Variants in ABCA7 observed in about 807,000 individuals in gnomAD.
The protein encoded by ABCA7 is phospholipid-transporting ATPase ABCA7.
In ABCA7, 261 loss-of-function variants were observed where a neutral mutation model predicts 227.6. That is an observed-to-expected ratio of 1.15 (90% CI 1.04 to 1.27). ABCA7 has a LOEUF of 1.27. Ranked by LOEUF, ABCA7 falls within the 50% of genes most tolerant of loss-of-function variation. The pLI is 0.00. For missense variants in ABCA7, 3,331 were observed against 2,924.5 expected, an observed-to-expected ratio of 1.14 and a Z score of -3.21; for synonymous variants, 1,488 against 1,279.7, an observed-to-expected ratio of 1.16 and a Z score of -3.47.
rs1383715508 is a variant in ABCA7 at position 1,063,339 on chromosome 19, C to T, written c.5713-205C>T. ...AGCTCCACCCACACCATGGCCCCGC[C>T]CCATACTCATGCTGGCTCCACCCAC... On this transcript the variant is annotated intron_variant, in intron 42 of 46. Transcript: ENST00000263094. Among the ~76,000 whole-genome samples, 4 of 148,276 alleles carry T rather than the reference C, an allele frequency of 2.7e-5. No homozygotes were observed. The South Asian group carries it at 6.5e-4, about 24-fold the overall frequency.
Position 1,063,843 on chromosome 19 carries a change from A to G in ABCA7, c.5931A>G (p.Ser1977=). The G allele has an allele frequency of 6.5e-7, 1 of 1,539,318 alleles. No individual in the cohort carries two copies. The highest frequency in any genetic ancestry group is 8.7e-7 in the Non-Finnish European group (1 of 1,143,372). The change falls in exon 44 of 47, where the codon TCA becomes TCG. Residue 1977 remains serine (S), a synonymous_variant. Coordinates refer to ENST00000263094, the MANE Select transcript of ABCA7 (RefSeq NM_019112.4). ...SLLAVVREGR[S]VMLTSHSMEE... ...TGGCCGTGGTGCGGGAGGGCCGTTC[A>G]GTGATGCTCACCTCCCATAGGTGGG...
At position 1,056,241 on chromosome 19, in the gene ABCA7, AAGGTGGGAACTGGGGGGGC is replaced by A. The variant is rs1436480169; in HGVS notation, c.4416+6_4416+24del. On this transcript the variant is annotated splice_donor_variant and splice_donor_5th_base_variant and coding_sequence_variant and intron_variant, in exon 32 of 47. Coordinates refer to ENST00000263094, the MANE Select transcript of ABCA7 (RefSeq NM_019112.4). LOFTEE classifies it high-confidence loss of function. The surrounding 1 kb of genome is among the most constrained non-coding windows in gnomAD (Gnocchi z 4.3). ...CAGCCTGGATGCTCAGGACAGTCTC[AAGGTGGGAACTGGGGGGGC>A]AGGTGGGCGTCCTGTCACAGCAAGG... is the stretch of plus-strand genomic sequence containing the variant. The A allele has an allele frequency of 6.3e-7, 1 of 1,593,258 alleles. No homozygotes were observed. Among genetic ancestry groups the A allele is most frequent in the Admixed American group, 1.7e-5 (1 of 59,446 alleles).
At chr19:1,058,519 TTG>T in intron 37 of ABCA7, 97 bp from the exon 38 acceptor site, 1 of 1,556,392 alleles carries the variant, frequency 6.4e-7, no homozygotes, top group Non-Finnish European at 8.7e-7. Context: ...CCTATCCAAT[TTG>T]TGTTCCTTTC....
At chr19:1,061,715 A>C (rs1273566140) in intron 40 of ABCA7, 67 bp from the exon 41 acceptor site, 11 of 1,411,432 alleles carry the variant, frequency 7.8e-6, no homozygotes, top group Middle Eastern at 1.8e-4. Context: ...AAAAAAAAAA[A>C]GAAATCAGAG....
intron 41 of ABCA7, 57 bp downstream of exon 41, chr19:1,061,945 C>G: frequency 6.7e-7 from 1 of 1,494,960 alleles, no homozygotes; most frequent in Non-Finnish European, 9.0e-7. Flanking sequence ...CGTCCTTGTG[C>G]TTCCCCACCC....
chr19:1,060,209 T>TATA lies in ABCA7; in HGVS notation c.5463+1124_5463+1125insATA, dbSNP rs3971800. Among the ~76,000 whole-genome samples, 3 of 33,846 alleles carry TATA rather than the reference T, an allele frequency of 8.9e-5. 1 individual carries two copies. The highest frequency in any genetic ancestry group is 3.8e-4 in the African/African-American group (3 of 7,850). 22.2% of individuals were successfully genotyped at this position (33,846 alleles called of 152,430 possible). The stretch of plus-strand genomic sequence containing the variant: ...CACACATTGCAGTATATATATATAT[T>TATA]TTTTTTTCTTTTTTTTTCTTTTGAG... On this transcript the variant is annotated intron_variant, in intron 40 of 46. Coordinates refer to ENST00000263094, the MANE Select transcript of ABCA7 (RefSeq NM_019112.4).
intron 40 of ABCA7, among the ~76,000 whole-genome samples, chr19:1,060,209 T>TATATATATATATATATATATATATATATA (rs3971800): frequency 8.9e-5 from 3 of 33,834 alleles, no homozygotes; most frequent in African/African-American, 2.6e-4. Context: ...ATATATATAT[T>TATATATATATATATATATATATATATATA]TTTTTTTCTT....
Position 1,058,873 on chromosome 19 carries a change from G to A in ABCA7, c.5333G>A (p.Arg1778His), listed in dbSNP as rs147558402. Residue 1778 changes from arginine (R) to histidine (H), a missense_variant, in exon 39 of 47, where the codon CGT becomes CAT. Transcript: ENST00000263094. ...LLGEEDEDVA[R>H]ERERVVQGAT... is the part of the protein sequence containing the mutation. ...GGAGAGGAGGACGAGGATGTAGCCC[G>A]TGAACGGGAGCGGGTGGTCCAAGGA... The A allele has an allele frequency of 9.2e-5, 146 of 1,578,912 alleles. No homozygotes were observed. The highest frequency in any genetic ancestry group is 1.1e-4 in the Non-Finnish European group (125 of 1,158,990).
chr19:1,046,455 G>C, intron 13 of ABCA7, 49 bp downstream of exon 13: 1 of 1,511,284 alleles, frequency 6.6e-7, no homozygotes, highest in Non-Finnish European at 8.8e-7. Context: ...GGAAGGTCCC[G>C]GGTGTGGGGG....
At chr19:1,051,815 T>C in intron 21 of ABCA7, 127 bp from the exon 22 acceptor site, 3 of 1,333,648 alleles carry the variant, frequency 2.2e-6, no homozygotes, top group Non-Finnish European at 3.1e-6. Context: ...AAGGAGGTTC[T>C]GGGGATGAGG....
Position 1,054,803 on chromosome 19 carries a change from G to A in ABCA7, c.3875G>A (p.Gly1292Glu). 1 of 1,590,850 alleles carries A rather than the reference G, an allele frequency of 6.3e-7. No homozygotes were observed. The highest frequency in any genetic ancestry group is 2.3e-5 in the East Asian group (1 of 43,480). Residue 1292 changes from glycine to glutamate, a missense_variant, in exon 29 of 47, where the codon GGA becomes GAA. Coordinates refer to ENST00000263094, the MANE Select transcript of ABCA7 (RefSeq NM_019112.4). This position sits in a 1 kb window ranked among gnomAD's most constrained non-coding sequence, Gnocchi z 4.8. ...AGTGAGGACGCCCCAGGGGACCCTGGACGTGCCCGGCTGCTCGAGGCGCTG... is the reference window on the plus strand; with the variant it reads ...AGTGAGGACGCCCCAGGGGACCCTGAACGTGCCCGGCTGCTCGAGGCGCTG... ...FFSEDAPGDP[G>E]RARLLEALLQ...
At position 1,058,958 on chromosome 19, in the gene ABCA7, G is replaced by A. The variant is rs748035667; in HGVS notation, c.5400+18G>A. On this transcript the variant is annotated intron_variant, in intron 39 of 46. Coordinates refer to ENST00000263094, the MANE Select transcript of ABCA7 (RefSeq NM_019112.4). ...TGACCAAGGTAGGTGTGGTCAGGTCGACTGCTGGGTGGGGGGTGCTCCCAC... is the reference window on the plus strand; with the variant it reads ...TGACCAAGGTAGGTGTGGTCAGGTCAACTGCTGGGTGGGGGGTGCTCCCAC... 2.9e-5 allele frequency: 47 copies of A among 1,611,160 alleles called. No homozygotes were observed. The highest frequency in any genetic ancestry group is 3.6e-5 in the Non-Finnish European group (42 of 1,178,046).
intron 10 of ABCA7, 48 bp downstream of exon 10, chr19:1,043,889 G>T (rs762403032): frequency 6.4e-7 from 1 of 1,556,820 alleles, no homozygotes; most frequent in South Asian, 1.1e-5. Flanking sequence ...CGGTGAGGAG[G>T]GTAGACAGGC....
In ABCA7 at chr19:1,063,632, TGGC is replaced by T. The variant is rs1417287499; in HGVS notation, c.5803_5805del (p.Ala1935del). ...TACAGCGGAGGGAACAAACGCAAGC[TGGC>T]GACGGCCCTGGCGCTGGTTGGGGAC... On this transcript the variant is annotated inframe_deletion, in exon 43 of 47. Coordinates refer to ENST00000263094, the MANE Select transcript of ABCA7 (RefSeq NM_019112.4). 1 of 1,611,060 alleles carries T rather than the reference TGGC, an allele frequency of 6.2e-7. No homozygotes were observed. Among genetic ancestry groups the T allele is most frequent in the Non-Finnish European group, 8.5e-7 (1 of 1,179,778 alleles).
At position 1,041,590 on chromosome 19, in the gene ABCA7, G is replaced by A; in HGVS notation, c.147G>A (p.Leu49=). The A allele has an allele frequency of 6.2e-7, 1 of 1,612,360 alleles. No individual in the cohort carries two copies. Among genetic ancestry groups the A allele is most frequent in the African/African-American group, 1.3e-5 (1 of 75,028 alleles). Reference sequence around the variant, plus strand: ...CTGTTCGCCACTCCCACCCGCCCCTGGAGCACCATGAATGTGAGCCCCCCC... The same window carrying A: ...CTGTTCGCCACTCCCACCCGCCCCTAGAGCACCATGAATGTGAGCCCCCCC... ...LVAVRHSHPP[L]EHHECHFPNK... is the part of the protein sequence containing the mutation. The change falls in exon 3 of 47, where the codon CTG becomes CTA. Residue 49 remains leucine, a synonymous_variant. Coordinates refer to ENST00000263094, the MANE Select transcript of ABCA7 (RefSeq NM_019112.4).
intron 23 of ABCA7, among the ~76,000 whole-genome samples, chr19:1,052,712 G>C (rs1311816096): frequency 1.4e-5 from 2 of 142,414 alleles, no homozygotes; most frequent in Non-Finnish European, 3.1e-5. Flanking sequence ...AGGAGGGAGA[G>C]GAGGGGGAGG....
chr19:1,049,377 T>C lies in ABCA7; in HGVS notation c.2492T>C (p.Phe831Ser), dbSNP rs1453629628. The C allele has an allele frequency of 4.3e-6, 7 of 1,611,070 alleles. No individual in the cohort carries two copies. The highest frequency in any genetic ancestry group is 1.3e-5 in the African/African-American group (1 of 74,720). ...QPALRGLSLD[F>S]YQGHITAFLG... ...GCCCTGCGGGGGCTCAGCCTGGACT[T>C]CTACCAGGGCCACATCACCGCCTTC... Residue 831 changes from phenylalanine to serine, a missense_variant, in exon 18 of 47, where the codon TTC becomes TCC. Phe to Ser is a radical substitution (Grantham distance 155). Transcript: ENST00000263094.
intron 12 of ABCA7, 26 bp downstream of exon 12, chr19:1,045,257 A>C: frequency 1.3e-6 from 1 of 765,214 alleles, no homozygotes; most frequent in East Asian, 3.6e-5. Flanking sequence ...GGGCGGGGGG[A>C]TGAGGGACTG....
rs748489737 is a variant in ABCA7, at chr19:1,065,475, A to C, written c.*50A>C. On this transcript the variant is annotated 3_prime_UTR_variant, in exon 47 of 47. Coordinates refer to ENST00000263094, the MANE Select transcript of ABCA7 (RefSeq NM_019112.4). ...GGGAGGCCCTGGGAATGGCAAGGGCAAGGTAGAGTGCCTAGGAGCCCTGGA... is the reference window on the plus strand; with the variant it reads ...GGGAGGCCCTGGGAATGGCAAGGGCCAGGTAGAGTGCCTAGGAGCCCTGGA... The C allele has an allele frequency of 6.2e-7, 1 of 1,600,676 alleles. No homozygotes were observed. Among genetic ancestry groups the C allele is most frequent in the Non-Finnish European group, 8.5e-7 (1 of 1,171,220 alleles).
Sources: gnomAD v4.1 joint callset for allele counts (sites outside exome capture counted in the v4.1 genomes callset) on GRCh38, gnomAD v4.1.1 for gene constraint, Gnocchi (gnomAD v3.1) non-coding constraint, MANE v1.5 for transcripts, NCBI Gene and HGNC (gene_info 2026-07-23, HGNC 2026-07-21) for gene names.